Variants in SYNE2 observed in about 807,000 individuals in gnomAD.
SYNE2 encodes nesprin-2.
In SYNE2, 431 loss-of-function variants were observed where a neutral mutation model predicts 856.3. The ratio of observed to expected loss-of-function variants is 0.50; its 90% confidence interval spans 0.47 to 0.55. The LOEUF is 0.55. Among genes scored for constraint, SYNE2 ranks in the 20% least tolerant of loss-of-function variants. The pLI, the probability that SYNE2 is intolerant of heterozygous loss-of-function variation, is 0.00. For missense variants in SYNE2, 8,129 were observed against 8,023.2 expected (o/e 1.01, Z -0.50); for synonymous variants, 2,923 against 2,872.3 (o/e 1.02, Z -0.56).
chr14:63,851,805 G>C (rs1322847487), upstream of SYNE2, among the ~76,000 whole-genome samples: 1 of 151,778 alleles, frequency 6.6e-6, no homozygotes, highest in Non-Finnish European at 1.5e-5. Flanking sequence ...AGTTAAGGCC[G>C]GTTGCAGTGG....
rs1456196162 is a variant in SYNE2 at position 64,209,962 on chromosome 14, T to G, written c.18561T>G (p.His6187Gln). The G allele has an allele frequency of 3.1e-6, 5 of 1,614,106 alleles. No individual in the cohort carries two copies. The East Asian group carries it at 8.9e-5, about 29-fold the overall frequency. The change falls in exon 103 of 116, where the codon CAT becomes CAG. Residue 6187 changes from histidine to glutamine, a missense_variant. Transcript: ENST00000555002. ...TGCAGGCCTTTCAGCGGCAGATTCA[T>G]GAGCGGCTCACTCAGCTGGAGCTCA... is the stretch of plus-strand genomic sequence containing the variant. The part of the protein sequence containing the change: ...KRFEAFQRQI[H>Q]ERLTQLELIN...
chr14:63,844,197 C>T (rs1425583521), intron 1 of SYNE2, among the ~76,000 whole-genome samples: 1 of 152,214 alleles, frequency 6.6e-6, no homozygotes, highest in Non-Finnish European at 1.5e-5. Context: ...TCCATCCCCC[C>T]AATCCTGACA....
chr14:63,886,215 A>G (rs1272796165), intron 1 of SYNE2, among the ~76,000 whole-genome samples: 1 of 152,188 alleles, frequency 6.6e-6, no homozygotes, highest in East Asian at 1.9e-4. Context: ...GGAAACACAC[A>G]AACTTATCAC....
intron 9 of SYNE2, 74 bp from the exon 10 acceptor site, chr14:63,963,825 A>C (rs1247257018): frequency 4.2e-6 from 4 of 948,090 alleles, no homozygotes; most frequent in Non-Finnish European, 6.7e-6. Flanking sequence ...CTGATGTTTC[A>C]AGTTGCTAAT....
At chr14:63,765,065 G>C (rs147981347) in intron 1 of SYNE2, among the ~76,000 whole-genome samples, 453 of 152,312 alleles carry the variant, frequency 3.0e-3, no homozygotes, top group Middle Eastern at 0.014. Context: ...TCAAGGAGGA[G>C]CAGGAGCCCC....
rs200351599 is a variant in SYNE2 at position 64,210,148 on chromosome 14, G to A, written c.18723+24G>A. 21 of 1,610,878 alleles carry A rather than the reference G, an allele frequency of 1.3e-5. 1 individual carries two copies. The highest frequency in any genetic ancestry group is 4.5e-5 in the East Asian group (2 of 44,798). ...GGGTGAGCTCCTCTGCACCTGGCTCGGGTGTAGATTTTCCAGGAGACATAA... is the reference window on the plus strand; with the variant it reads ...GGGTGAGCTCCTCTGCACCTGGCTCAGGTGTAGATTTTCCAGGAGACATAA... On this transcript the variant is annotated intron_variant, in intron 103 of 115. Transcript: ENST00000555002.
intron 82 of SYNE2, among the ~76,000 whole-genome samples, chr14:64,142,891 T>C (rs941786901): frequency 6.6e-6 from 1 of 152,244 alleles, no homozygotes; most frequent in Non-Finnish European, 1.5e-5. Context: ...CAAACGTGTA[T>C]TGTGTGCTCA....
intron 41 of SYNE2, among the ~76,000 whole-genome samples, chr14:64,026,039 T>C (rs1389764486): frequency 6.6e-6 from 1 of 152,170 alleles, no homozygotes; most frequent in African/African-American, 2.4e-5. Context: ...GAAGCATTCT[T>C]AGAGGAAGAA....
Position 64,183,345 on chromosome 14 carries a change from A to G in SYNE2, c.17557-3079A>G, listed in dbSNP as rs545456020. ...GCGGCAGGGCAGAGGCGCTCCCCACATCTCAGACGATGGGCGGCCGGGCAG... is the reference window on the plus strand; with the variant it reads ...GCGGCAGGGCAGAGGCGCTCCCCACGTCTCAGACGATGGGCGGCCGGGCAG... On this transcript the variant is annotated intron_variant, in intron 96 of 115. Transcript: ENST00000555002. 2.2e-3 allele frequency among the ~76,000 whole-genome samples: 330 copies of G among 147,886 alleles called. 3 individuals are homozygous for G. The highest frequency in any genetic ancestry group is 7.8e-3 in the African/African-American group (309 of 39,840).
chr14:64,137,860 C>T lies in SYNE2; in HGVS notation c.14720C>T (p.Ala4907Val), dbSNP rs144804554. The change falls in exon 79 of 116, where the codon GCG becomes GTG. Residue 4907 changes from alanine to valine, a missense_variant. Ala to Val is a moderately conservative substitution (Grantham distance 64, BLOSUM62 0). Transcript: ENST00000555002. ...QTLNEGKQLV[A>V]SVSCPELEGQ... ...CTGAACGAAGGCAAACAGTTGGTGGCGTCTGTGAGCTGTCCTGAATTAGAG... is the reference window on the plus strand; with the variant it reads ...CTGAACGAAGGCAAACAGTTGGTGGTGTCTGTGAGCTGTCCTGAATTAGAG... The T allele has an allele frequency of 6.2e-4, 1,000 of 1,614,132 alleles. 17 individuals are homozygous for T. The South Asian group carries it at 9.4e-3, about 15-fold the overall frequency.
At chr14:63,908,966 T>C in intron 1 of SYNE2, 132 bp from the exon 2 acceptor site, 2 of 611,556 alleles carry the variant, frequency 3.3e-6, no homozygotes, top group Non-Finnish European at 6.0e-6. Context: ...TCATGAACCA[T>C]GGAAGCACAT....
rs201176149 is a variant in SYNE2, at chr14:63,976,588, A to G, written c.1154A>G (p.Asn385Ser). 566 of 1,608,268 alleles carry G rather than the reference A, an allele frequency of 3.5e-4. No individual in the cohort carries two copies. The highest frequency in any genetic ancestry group is 4.9e-4 in the Admixed American group (29 of 59,354). ...ATTAATGCATGGAAAATAAAGCTAA[A>G]TTATGCCTTGCCCCCACCCCTCCAT... ...HQINAWKIKL[N>S]YALPPPLHQT... Residue 385 changes from asparagine to serine, a missense_variant, in exon 12 of 116, where the codon AAT becomes AGT. Around this residue, in one of 3 missense-constraint regions of SYNE2, gnomAD observed 2,422 missense variants for 2,357.4 expected, o/e 1.03. Transcript: ENST00000555002.
chr14:64,076,019 C>A lies in SYNE2; in HGVS notation c.10941C>A (p.Ser3647=). The change falls in exon 54 of 116, where the codon TCC becomes TCA. Residue 3647 remains serine, a synonymous_variant. Coordinates refer to ENST00000555002, the MANE Select transcript of SYNE2 (RefSeq NM_182914.3). ...TGGAAAAACTGCGAATCAAGTATTC[C>A]GAAATGTACACCATAGTCCCTGCAG... ...NIMEKLRIKY[S]EMYTIVPAEI... The A allele has an allele frequency of 6.2e-7, 1 of 1,613,780 alleles. No homozygotes were observed. Among genetic ancestry groups the A allele is most frequent in the Non-Finnish European group, 8.5e-7 (1 of 1,179,848 alleles).
At chr14:64,158,120 A>G (rs185610233) in intron 85 of SYNE2, among the ~76,000 whole-genome samples, 21 of 152,308 alleles carry the variant, frequency 1.4e-4, no homozygotes, top group South Asian at 4.1e-4. Context: ...TTCCTCTCCA[A>G]TTGGTGCTTG....
chr14:64,124,416 T>C (rs2097921378), intron 70 of SYNE2, among the ~76,000 whole-genome samples: 2 of 150,830 alleles, frequency 1.3e-5, no homozygotes, highest in South Asian at 4.3e-4. Context: ...TATCTTGTTA[T>C]GTTGTACAGG....
intron 1 of SYNE2, among the ~76,000 whole-genome samples, chr14:63,812,810 T>C (rs945225242): frequency 6.6e-6 from 1 of 152,122 alleles, no homozygotes; most frequent in East Asian, 1.9e-4. Flanking sequence ...AAAACTAGCT[T>C]CTAGGTGCAG....
intron 70 of SYNE2, among the ~76,000 whole-genome samples, chr14:64,123,400 G>A (rs139675204): frequency 3.9e-5 from 6 of 152,340 alleles, no homozygotes; most frequent in South Asian, 2.1e-4. Flanking sequence ...AAGGTTACCC[G>A]TGATTTCCCA....
intron 83 of SYNE2, among the ~76,000 whole-genome samples, chr14:64,144,348 T>C (rs1250765637): frequency 6.6e-6 from 1 of 152,206 alleles, no homozygotes; most frequent in African/African-American, 2.4e-5. Flanking sequence ...TTGGTAGATT[T>C]TTCACTCCAT....
chr14:64,024,299 G>C lies in SYNE2; in HGVS notation c.5680G>C (p.Val1894Leu). Reference sequence around the variant, plus strand: ...AGGAAGAAACAGTAAAATAAAGCAGGTGGACAGCGTACTGAAGCATGTGAA... The same window carrying C: ...AGGAAGAAACAGTAAAATAAAGCAGCTGGACAGCGTACTGAAGCATGTGAA... ...LEGRNSKIKQVDSVLKHVKKH... is the reference protein window; with the variant it reads ...LEGRNSKIKQLDSVLKHVKKH... Residue 1894 changes from valine to leucine, a missense_variant, in exon 39 of 116, where the codon GTG (valine) becomes CTG (leucine). This residue lies in a region of SYNE2 where 2,422 missense variants were observed against 2,357.4 expected (regional missense o/e 1.03). Coordinates refer to ENST00000555002, the MANE Select transcript of SYNE2 (RefSeq NM_182914.3). The C allele has an allele frequency of 1.2e-6, 2 of 1,614,104 alleles. No individual in the cohort carries two copies. The highest frequency in any genetic ancestry group is 1.7e-6 in the Non-Finnish European group (2 of 1,179,986).
Sources: allele counts gnomAD v4.1 joint callset (sites outside exome capture counted in the v4.1 genomes callset), GRCh38; gene constraint gnomAD v4.1.1; regional missense constraint gnomAD v4.1.1; transcripts MANE v1.5; gene names NCBI Gene and HGNC (gene_info 2026-07-23, HGNC 2026-07-21).